BRF1: variants seen among roughly 807,000 people sequenced by gnomAD.
BRF1 encodes the protein BRF1 general transcription factor IIIB subunit, also known as transcription factor IIIB 90 kDa subunit.
In BRF1, 59 loss-of-function variants were observed where a neutral mutation model predicts 81.7. The observed-to-expected ratio is 0.72, with a 90% CI of 0.59 to 0.90. The LOEUF (loss-of-function observed/expected upper bound fraction) is 0.90. BRF1 is among the 40% of genes least tolerant of loss of function. The pLI is 0.00. For synonymous variants in BRF1, 491 were observed against 395.6 expected (o/e 1.24, Z -2.86); for missense variants, 1,050 against 936.3 (o/e 1.12, Z -1.58).
intron 1 of BRF1, among the ~76,000 whole-genome samples, chr14:105,294,897 A>G (rs1218695209): frequency 6.6e-6 from 1 of 152,220 alleles, no homozygotes; most frequent in African/African-American, 2.4e-5. Context: ...ACAGCATCTT[A>G]AATATAACTA....
chr14:105,248,530 G>A, intron 5 of BRF1: 1 of 943,946 alleles, frequency 1.1e-6, no homozygotes, highest in Non-Finnish European at 1.2e-6. Context: ...GCGCGGCCCT[G>A]ACGCAGCGTG....
At chr14:105,250,603 C>T (rs2055548919) in intron 5 of BRF1, 2 of 1,614,086 alleles carry the variant, frequency 1.2e-6, no homozygotes, top group East Asian at 2.2e-5. Flanking sequence ...AGTTCCAGTG[C>T]TCCTCGGACA....
At chr14:105,308,938 C>T (rs145642968) in intron 1 of BRF1, among the ~76,000 whole-genome samples, 41 of 151,802 alleles carry the variant, frequency 2.7e-4, no homozygotes, top group African/African-American at 9.9e-4. Flanking sequence ...GGCACCACTG[C>T]ACTCCAGCCT....
intron 15 of BRF1, among the ~76,000 whole-genome samples, chr14:105,216,851 G>T (rs1891409259): frequency 6.6e-6 from 1 of 152,142 alleles, no homozygotes; most frequent in Admixed American, 6.5e-5. Flanking sequence ...ACCACCAAAG[G>T]GTGGACCCAG....
chr14:105,228,670 T>A, intron 7 of BRF1, 150 bp downstream of exon 7: 2 of 815,934 alleles, frequency 2.5e-6, no homozygotes, highest in Admixed American at 4.3e-5. Flanking sequence ...GTCCAAGCCA[T>A]AGTGTGACCG....
In BRF1 at chr14:105,220,128, C is replaced by T. The variant is rs1385091601; in HGVS notation, c.1318G>A (p.Asp440Asn). ...TCCAGCTCACCGTCTCCTGAAGCAT[C>T]TTCTGGAGGGAAGCACAGCATCCGC... The part of the protein sequence containing the change: ...CISSQSSDPK[D>N]ASGDGELDLS... The change falls in exon 12 of 18, where the codon GAT (aspartate) becomes AAT (asparagine). Residue 440 changes from aspartate to asparagine, a missense_variant and splice_region_variant. Transcript: ENST00000547530. 3 of 1,613,340 alleles carry T rather than the reference C, an allele frequency of 1.9e-6. No homozygotes were observed. The highest frequency in any genetic ancestry group is 2.5e-6 in the Non-Finnish European group (3 of 1,180,028).
Position 105,219,763 on chromosome 14 carries a change from C to A in BRF1, c.1377+306G>T, listed in dbSNP as rs1370807892. 6.0e-6 allele frequency: 3 copies of A among 503,412 alleles called. No homozygotes were observed. The Admixed American group carries it at 9.9e-5, about 17-fold the overall frequency. The allele number at this position is 503,412 out of a possible 1,614,324, so 31.2% of individuals were successfully genotyped here. A position where few individuals can be genotyped will look rare whatever the true frequency, so the allele number is the denominator to read the frequency against. ...TGGGTGCCCTCTTGTGTCTAGAGACCCCTCGAGGGGCTGCCCCTGGTGCTA... is the reference window on the plus strand; with the variant it reads ...TGGGTGCCCTCTTGTGTCTAGAGACACCTCGAGGGGCTGCCCCTGGTGCTA... On this transcript the variant is annotated intron_variant, in intron 12 of 17. Coordinates refer to ENST00000547530, the MANE Select transcript of BRF1 (RefSeq NM_001519.4).
intron 2 of BRF1, among the ~76,000 whole-genome samples, chr14:105,278,810 C>G (rs1219367426): frequency 6.6e-6 from 1 of 151,942 alleles, no homozygotes; most frequent in South Asian, 2.1e-4. Context: ...TTTGGGAGGC[C>G]GAGGCGGGCA....
Position 105,299,966 on chromosome 14 carries a change from G to C in BRF1, c.184+480C>G, listed in dbSNP as rs138356369. On this transcript the variant is annotated intron_variant, in intron 1 of 17. Transcript: ENST00000547530. ...GGCCACAGTCCAGCTCCTTCCACAG[G>C]CTGGGGTCCATCCCCAGCCCGCAAT... Among the ~76,000 whole-genome samples, 35 of 152,324 alleles carry C rather than the reference G, an allele frequency of 2.3e-4. 1 individual carries two copies. Among genetic ancestry groups the C allele is most frequent in the Middle Eastern group, 6.8e-3 (2 of 294 alleles).
At chr14:105,294,779 T>A (rs889348685) in intron 1 of BRF1, among the ~76,000 whole-genome samples, 4 of 152,178 alleles carry the variant, frequency 2.6e-5, no homozygotes, top group Non-Finnish European at 5.9e-5. Context: ...ACCCCGCAGA[T>A]ATCAAAAGGA....
chr14:105,299,972 G>T (rs941145113), intron 1 of BRF1, among the ~76,000 whole-genome samples: 2 of 152,236 alleles, frequency 1.3e-5, no homozygotes, highest in Non-Finnish European at 1.5e-5. Context: ...ACAGGCTGGG[G>T]TCCATCCCCA....
In BRF1 at chr14:105,241,134, GC is replaced by G. The variant is rs1188145492; in HGVS notation, c.694+130del. On this transcript the variant is annotated intron_variant, in intron 6 of 17. Transcript: ENST00000547530. Reference sequence around the variant, plus strand: ...ACCCCGGTGGGCCAGGCCAGAGTCAGCCCCGGGAGGCTGGAGGCAGCTCTCA... The same window carrying G: ...ACCCCGGTGGGCCAGGCCAGAGTCAGCCCGGGAGGCTGGAGGCAGCTCTCA... 48 of 1,437,284 alleles carry G rather than the reference GC, an allele frequency of 3.3e-5. No homozygotes were observed. In the East Asian group the frequency reaches 1.0e-3, roughly 31 times the overall value. 89.0% of individuals were successfully genotyped at this position (1,437,284 alleles called of 1,614,324 possible).
At position 105,221,549 on chromosome 14, in the gene BRF1, C is replaced by G. The variant is rs905857367; in HGVS notation, c.1315+99G>C. The G allele has an allele frequency of 7.4e-6, 11 of 1,484,510 alleles. No homozygotes were observed. The African/African-American group carries it at 1.4e-4, about 19-fold the overall frequency. The allele number at this position is 1,484,510 out of a possible 1,614,324, so 92.0% of individuals were successfully genotyped here. A position where few individuals can be genotyped will look rare whatever the true frequency, so the allele number is the denominator to read the frequency against. ...CACCGCCCGAGACCACCACACCTCC[C>G]GACAGAGGATGGCAGCATCCGGCTC... On this transcript the variant is annotated intron_variant, in intron 11 of 17. Coordinates refer to ENST00000547530, the MANE Select transcript of BRF1 (RefSeq NM_001519.4).
intron 5 of BRF1, chr14:105,248,654 G>C: frequency 7.1e-6 from 7 of 980,902 alleles, no homozygotes; most frequent in Non-Finnish European, 8.5e-6. Flanking sequence ...GGGTCGCAGG[G>C]GCGGGGGTGG....
rs1383437044 is a variant in BRF1 at position 105,226,109 on chromosome 14, C to T, written c.1008G>A (p.Arg336=). Residue 336 remains arginine (R), a synonymous_variant, in exon 10 of 18, where the codon CGG becomes CGA. Coordinates refer to ENST00000547530, the MANE Select transcript of BRF1 (RefSeq NM_001519.4). ...TGGCCAGGCCCCCCTTGGCCTTTGG[C>T]CGGCTGTTTTCTAGTTCAATCTCAA... is the stretch of plus-strand genomic sequence containing the variant. ...DAIEIELENS[R]PKAKGGLASL... The T allele has an allele frequency of 1.2e-6, 2 of 1,613,720 alleles. No individual in the cohort carries two copies. Among genetic ancestry groups the T allele is most frequent in the African/African-American group, 1.3e-5 (1 of 74,932 alleles).
intron 6 of BRF1, among the ~76,000 whole-genome samples, chr14:105,229,130 C>A (rs1180066364): frequency 6.6e-6 from 1 of 152,238 alleles, no homozygotes; most frequent in African/African-American, 2.4e-5. Flanking sequence ...ATTCCATTTT[C>A]AAATCAAGGA....
intron 2 of BRF1, among the ~76,000 whole-genome samples, chr14:105,283,111 G>A (rs1242608394): frequency 3.3e-5 from 5 of 152,148 alleles, no homozygotes; most frequent in African/African-American, 1.2e-4. Flanking sequence ...CAGGACACTC[G>A]ACAGCAAGGA....
chr14:105,244,631 G>A (rs973155354), intron 5 of BRF1, among the ~76,000 whole-genome samples: 1 of 151,962 alleles, frequency 6.6e-6, no homozygotes, highest in East Asian at 1.9e-4. Flanking sequence ...ATCTGCAGGC[G>A]CACAGCGACA....
At chr14:105,281,842 C>T (rs1236143875) in intron 2 of BRF1, among the ~76,000 whole-genome samples, 1 of 151,836 alleles carries the variant, frequency 6.6e-6, no homozygotes, top group Non-Finnish European at 1.5e-5. Flanking sequence ...TGAGCTGCTG[C>T]AGGCCTGACT....
Sources: gnomAD v4.1 joint callset for allele counts (sites outside exome capture counted in the v4.1 genomes callset) on GRCh38, gnomAD v4.1.1 for gene constraint, MANE v1.5 for transcripts, NCBI Gene and HGNC (gene_info 2026-07-23, HGNC 2026-07-21) for gene names.